The following CMTR1 variants were observed in gnomAD, a reference collection of about 807,000 sequenced individuals.
CMTR1 encodes the protein cap-specific mRNA (nucleoside-2'-O-)-methyltransferase 1.
A neutral mutation model predicts 107.0 loss-of-function variants in CMTR1; 39 were observed. The observed-to-expected ratio is 0.36, with a 90% confidence interval of 0.28 to 0.48. The LOEUF (loss-of-function observed/expected upper bound fraction) is 0.48, where lower values mean the gene tolerates loss of function less well. Ranked by LOEUF, CMTR1 falls within the 20% of genes least tolerant of loss-of-function variation. The probability of loss-of-function intolerance (pLI) is 0.99; values close to 1 mark genes in which losing one functional copy is unlikely to be tolerated. For missense variants in CMTR1, 672 were observed against 1,064.9 expected (o/e 0.63, Z 5.14); for synonymous variants, 366 against 379.5 (o/e 0.96, Z 0.41).
intron 13 of CMTR1, among the ~76,000 whole-genome samples, chr6:37,469,082 C>T (rs1047617891): frequency 6.6e-6 from 1 of 151,946 alleles, no homozygotes; most frequent in African/African-American, 2.4e-5. Context: ...CTGCAGTGAG[C>T]CGAGATCGTG....
intron 22 of CMTR1, 117 bp downstream of exon 22, chr6:37,478,638 G>T: frequency 1.3e-6 from 1 of 766,386 alleles, no homozygotes; most frequent in Non-Finnish European, 2.2e-6. Flanking sequence ...GTGGGTAGCA[G>T]CCAGGCTGGC....
intron 2 of CMTR1, among the ~76,000 whole-genome samples, chr6:37,443,355 T>G (rs772317399): frequency 2.4e-4 from 35 of 148,114 alleles, no homozygotes; most frequent in Non-Finnish European, 4.4e-4. Flanking sequence ...GACAATGTAC[T>G]TTCTTTTTTT....
intron 8 of CMTR1, among the ~76,000 whole-genome samples, chr6:37,453,751 T>C (rs1001097376): frequency 1.3e-5 from 2 of 152,194 alleles, no homozygotes; most frequent in African/African-American, 4.8e-5. Context: ...GTTGTTGGAA[T>C]GTGGTGAGGA....
At position 37,479,138 on chromosome 6, in the gene CMTR1, T is replaced by C; in HGVS notation, c.2267-9T>C. On this transcript the variant is annotated splice_polypyrimidine_tract_variant and intron_variant, in intron 22 of 23. Transcript: ENST00000373451. ...CCTTCTGGGCTTCATCCCCTCTTCC[T>C]CCCATCAGAGCCCTGGACTATGGGA... The C allele has an allele frequency of 1.9e-6, 3 of 1,605,516 alleles. No individual in the cohort carries two copies. The highest frequency in any genetic ancestry group is 2.6e-6 in the Non-Finnish European group (3 of 1,172,370).
intron 3 of CMTR1, among the ~76,000 whole-genome samples, chr6:37,444,970 G>A (rs1446816279): frequency 6.6e-6 from 1 of 152,164 alleles, no homozygotes; most frequent in African/African-American, 2.4e-5. Context: ...AGCTTGCAGT[G>A]AGCTGAGATC....
chr6:37,480,062 G>A lies in CMTR1; in HGVS notation c.2425G>A (p.Val809Met). ...LFWEWGDGIR[V>M]HDSQKPQDQD... ...CTGGGAGTGGGGGGATGGCATTCGT[G>A]TGCATGACTCCCAGAAGCCCCAGGA... The change falls in exon 24 of 24, where the codon GTG becomes ATG. Residue 809 changes from valine (V) to methionine (M), a missense_variant. Physicochemically the swap from Val to Met is conservative, Grantham distance 21. This residue lies in a region of CMTR1 where 583 missense variants were observed against 968.4 expected (regional missense o/e 0.60). Coordinates refer to ENST00000373451, the MANE Select transcript of CMTR1 (RefSeq NM_015050.3). The A allele has an allele frequency of 6.3e-7, 1 of 1,584,586 alleles. No individual in the cohort carries two copies. The highest frequency in any genetic ancestry group is 8.6e-7 in the Non-Finnish European group (1 of 1,169,370).
rs146148868 is a variant in CMTR1 at position 37,440,983 on chromosome 6, A to G, written c.134-3016A>G. Among the ~76,000 whole-genome samples, 640 of 152,306 alleles carry G rather than the reference A, an allele frequency of 4.2e-3. 4 individuals carry two copies. Among genetic ancestry groups the G allele is most frequent in the African/African-American group, 0.014 (562 of 41,554 alleles). ...TTCAGACTTTTTCATAGGTAGACCT[A>G]TGAATGTCCAGATTGCTGGTGAAAG... is the stretch of plus-strand genomic sequence containing the variant. On this transcript the variant is annotated intron_variant, in intron 2 of 23. Coordinates refer to ENST00000373451, the MANE Select transcript of CMTR1 (RefSeq NM_015050.3).
intron 4 of CMTR1, among the ~76,000 whole-genome samples, chr6:37,448,282 G>A (rs981244663): frequency 6.6e-6 from 1 of 151,896 alleles, no homozygotes; most frequent in African/African-American, 2.4e-5. Context: ...GAGTCTGGGT[G>A]TCCAGGGGTG....
rs773409490 is a variant in CMTR1 at position 37,477,783 on chromosome 6, G to A, written c.2153+144G>A. The A allele has an allele frequency of 2.7e-4, 200 of 728,678 alleles. 1 individual carries two copies. Among genetic ancestry groups the A allele is most frequent in the South Asian group, 1.2e-3 (81 of 66,928 alleles). 45.1% of individuals were successfully genotyped at this position (728,678 alleles called of 1,614,324 possible). On this transcript the variant is annotated intron_variant, in intron 21 of 23. Coordinates refer to ENST00000373451, the MANE Select transcript of CMTR1 (RefSeq NM_015050.3). The stretch of plus-strand genomic sequence containing the variant: ...GCGGTCCCCTCACCTCATCTGCCTC[G>A]CTGCAGCACTGCTTGCAGTCAAGAG...
At chr6:37,426,054 A>G in the CMTR1 span, among the ~76,000 whole-genome samples, 1 of 152,142 alleles carries the variant, frequency 6.6e-6, no homozygotes, top group Admixed American at 6.5e-5. Flanking sequence ...AGCTGCTCAA[A>G]TCCAACTTTG....
At chr6:37,429,357 AAC>A (rs1477957145), upstream of CMTR1, among the ~76,000 whole-genome samples, 3 of 152,300 alleles carry the variant, frequency 2.0e-5, no homozygotes, top group Non-Finnish European at 2.9e-5. Flanking sequence ...TATGGTAAAA[AAC>A]ACAACATAAA....
In CMTR1 at chr6:37,444,075, A is replaced by T; in HGVS notation, c.210A>T (p.Ala70=). The change falls in exon 3 of 24, where the codon GCA becomes GCT. Residue 70 remains alanine (A), a synonymous_variant. Transcript: ENST00000373451. ...ACAGCTCTGACTCTTTTGACGATGC[A>T]TTCAAAGCAGACTCTCTTGTGGAAG... ...KQHSSDSFDD[A]FKADSLVEGT... 1 of 1,614,240 alleles carries T rather than the reference A, an allele frequency of 6.2e-7. No individual in the cohort carries two copies. Among genetic ancestry groups the T allele is most frequent in the Non-Finnish European group, 8.5e-7 (1 of 1,180,042 alleles).
chr6:37,433,088 GCAGGCGCCCCTGGACCTCC>G (rs1309905969), upstream of CMTR1: 1 of 152,358 alleles, frequency 6.6e-6, no homozygotes, highest in African/African-American at 2.4e-5. Flanking sequence ...GCTTTTCCGC[GCAGGCGCCCCTGGACCTCC>G]CAGGTTGAGA....
chr6:37,481,194 G>C lies in CMTR1; in HGVS notation c.*1049G>C. The stretch of plus-strand genomic sequence containing the variant: ...TTTATCTTGGCCGACAACACAGAGA[G>C]GAGGGGGAGCTGGGCAGTAGCTTGG... On this transcript the variant is annotated 3_prime_UTR_variant, in exon 24 of 24. Transcript: ENST00000373451. 6.1e-6 allele frequency: 8 copies of C among 1,303,794 alleles called. No individual in the cohort carries two copies. The highest frequency in any genetic ancestry group is 8.1e-6 in the Non-Finnish European group (8 of 988,782). The allele number at this position is 1,303,794 out of a possible 1,614,324, so 80.8% of individuals were successfully genotyped here.
chr6:37,471,612 C>T (rs1288512289), intron 14 of CMTR1, among the ~76,000 whole-genome samples: 1 of 152,152 alleles, frequency 6.6e-6, no homozygotes. Context: ...TTTCTCCTTT[C>T]CCATTGTGGT....
At chr6:37,477,319 TTTCTCC>T (rs1372910184) in intron 20 of CMTR1, among the ~76,000 whole-genome samples, 1 of 152,214 alleles carries the variant, frequency 6.6e-6, no homozygotes, top group East Asian at 1.9e-4. Context: ...TTTCTTCCTC[TTTCTCC>T]CTCCTGTCTT....
chr6:37,456,087 T>C (rs1249798591), intron 8 of CMTR1, among the ~76,000 whole-genome samples: 1 of 152,134 alleles, frequency 6.6e-6, no homozygotes, highest in Non-Finnish European at 1.5e-5. Flanking sequence ...AGGGGTGAGG[T>C]GTTCGCATCG....
At position 37,451,788 on chromosome 6, in the gene CMTR1, G is replaced by A. The variant is rs181200258; in HGVS notation, c.538-18G>A. Reference sequence around the variant, plus strand: ...CAGTCACACGTGGTCATTACTTACTGCTTTTTTCTCCCTGTAGAGAAAGAT... The same window carrying A: ...CAGTCACACGTGGTCATTACTTACTACTTTTTTCTCCCTGTAGAGAAAGAT... On this transcript the variant is annotated intron_variant, in intron 5 of 23. Coordinates refer to ENST00000373451, the MANE Select transcript of CMTR1 (RefSeq NM_015050.3). The A allele has an allele frequency of 2.5e-6, 4 of 1,605,546 alleles. No homozygotes were observed. The East Asian group carries it at 8.9e-5, about 36-fold the overall frequency.
chr6:37,471,722 G>T, intron 14 of CMTR1, 125 bp from the exon 15 acceptor site: 1 of 742,908 alleles, frequency 1.3e-6, no homozygotes, highest in Non-Finnish European at 2.2e-6. Flanking sequence ...TGGCAGCATA[G>T]TGTCTGTGTG....
Sources: allele counts gnomAD v4.1 joint callset (sites outside exome capture counted in the v4.1 genomes callset), GRCh38; gene constraint gnomAD v4.1.1; regional missense constraint gnomAD v4.1.1; transcripts MANE v1.5; gene names NCBI Gene and HGNC (gene_info 2026-07-23, HGNC 2026-07-21).